The following RGS6 variants were observed in gnomAD, a reference collection of about 807,000 sequenced individuals.
RGS6 encodes the protein regulator of G protein signaling 6.
In RGS6, 30 loss-of-function variants were observed where a neutral mutation model predicts 78.5. The observed-to-expected ratio is 0.38, with a 90% confidence interval of 0.29 to 0.52. The LOEUF is 0.52. Among genes scored for constraint, RGS6 ranks in the 20% least tolerant of loss-of-function variants. The probability of loss-of-function intolerance (pLI) is 0.85; values close to 1 mark genes in which losing one functional copy is unlikely to be tolerated. For synonymous variants in RGS6, 206 were observed against 206.0 expected, an observed-to-expected ratio of 1.00 and a Z score of 0.00; for missense variants, 495 against 609.7, an observed-to-expected ratio of 0.81 and a Z score of 1.98.
chr14:72,152,243 AGAGTGT>A (rs1362757068), intron 2 of RGS6, among the ~76,000 whole-genome samples: 1,902 of 125,166 alleles, frequency 0.015, 37 homozygotes, highest in African/African-American at 0.049. Flanking sequence ...AGAGAGAGAG[AGAGTGT>A]GTGTGTGTGT....
Position 72,562,974 on chromosome 14 carries a change from G to A in RGS6, c.*507G>A, listed in dbSNP as rs963468932. 3.9e-5 allele frequency: 23 copies of A among 596,618 alleles called. No homozygotes were observed. Among genetic ancestry groups the A allele is most frequent in the African/African-American group, 1.7e-4 (9 of 53,972 alleles). The allele number at this position is 596,618 out of a possible 1,614,324, so 37.0% of individuals were successfully genotyped here. ...CCCACCGCCGCCTGTCATCCCTCAC[G>A]TCTCTGTGGCCACCCGGGTGTCACT... On this transcript the variant is annotated 3_prime_UTR_variant, in exon 18 of 18. Coordinates refer to ENST00000553525, the MANE Select transcript of RGS6 (RefSeq NM_001204424.2).
chr14:72,234,103 T>C (rs182781994), intron 2 of RGS6, among the ~76,000 whole-genome samples: 98 of 152,258 alleles, frequency 6.4e-4, no homozygotes, highest in African/African-American at 2.2e-3. Context: ...ATATATTTTA[T>C]TAAGCACCTG....
At chr14:72,628,636 AAG>A in the RGS6 span, among the ~76,000 whole-genome samples, 303 of 148,156 alleles carry the variant, frequency 2.0e-3, no homozygotes, top group Admixed American at 2.3e-3. Flanking sequence ...GTCTTGCCAA[AAG>A]AGAGAGAGAG....
At chr14:72,309,221 A>C (rs1364140464) in intron 2 of RGS6, among the ~76,000 whole-genome samples, 2 of 152,194 alleles carry the variant, frequency 1.3e-5, no homozygotes, top group Admixed American at 6.5e-5. Context: ...CAGCACCCTC[A>C]GAGGTCAGAG....
At chr14:72,204,870 CA>C (rs1163113681) in intron 2 of RGS6, among the ~76,000 whole-genome samples, 1 of 152,208 alleles carries the variant, frequency 6.6e-6, no homozygotes, top group African/African-American at 2.4e-5. Flanking sequence ...TACTTATATC[CA>C]GGGGGAGCAC....
At chr14:72,524,868 A>G (rs2097099071) in intron 15 of RGS6, among the ~76,000 whole-genome samples, 1 of 152,184 alleles carries the variant, frequency 6.6e-6, no homozygotes, top group Non-Finnish European at 1.5e-5. Flanking sequence ...GTGGAATAGG[A>G]CAAGCCAGTC....
At chr14:72,475,327 A>G (rs1016383947) in intron 10 of RGS6, among the ~76,000 whole-genome samples, 10 of 150,730 alleles carry the variant, frequency 6.6e-5, no homozygotes, top group African/African-American at 2.2e-4. Context: ...TGGTCACAGC[A>G]TACCCGAGGG....
chr14:72,366,928 T>C (rs1472160826), intron 3 of RGS6, among the ~76,000 whole-genome samples: 1 of 152,156 alleles, frequency 6.6e-6, no homozygotes, highest in African/African-American at 2.4e-5. Context: ...CATGAAGAAT[T>C]TTCCAGGGAC....
chr14:72,170,581 A>G (rs760281474), intron 2 of RGS6, among the ~76,000 whole-genome samples: 1 of 152,214 alleles, frequency 6.6e-6, no homozygotes, highest in Non-Finnish European at 1.5e-5. Flanking sequence ...TCTTAACTCC[A>G]TTATCTTATT....
intron 3 of RGS6, among the ~76,000 whole-genome samples, chr14:72,353,370 C>T (rs1488574954): frequency 6.6e-6 from 1 of 152,192 alleles, no homozygotes; most frequent in Non-Finnish European, 1.5e-5. Context: ...AAACTGTAGT[C>T]TCTCCACAAT....
chr14:72,255,609 G>A (rs1377520873), intron 2 of RGS6, among the ~76,000 whole-genome samples: 15 of 152,124 alleles, frequency 9.9e-5, no homozygotes, highest in Admixed American at 9.8e-4. Context: ...GGATACCTCA[G>A]GCAGGCTTAA....
At chr14:72,055,846 T>C (rs2093592953) in intron 2 of RGS6, among the ~76,000 whole-genome samples, 2 of 152,244 alleles carry the variant, frequency 1.3e-5, no homozygotes, top group African/African-American at 4.8e-5. Context: ...AATTTCTAGC[T>C]CAGCAGCCTT....
chr14:71,892,173 A>C, the RGS6 span, among the ~76,000 whole-genome samples: 1 of 152,284 alleles, frequency 6.6e-6, no homozygotes, highest in African/African-American at 2.4e-5. Context: ...CTTCACAACA[A>C]AACACTACAG....
chr14:72,451,589 CAG>C (rs1257816354), intron 3 of RGS6, among the ~76,000 whole-genome samples: 2 of 152,092 alleles, frequency 1.3e-5, no homozygotes, highest in South Asian at 2.1e-4. Context: ...CAGTAATTAA[CAG>C]GGGAAAGGAA....
intron 2 of RGS6, among the ~76,000 whole-genome samples, chr14:72,142,201 A>G (rs1446496213): frequency 2.0e-5 from 3 of 152,188 alleles, no homozygotes; most frequent in Non-Finnish European, 4.4e-5. Context: ...GGTTTTATAA[A>G]TACTGGTTGG....
At chr14:72,365,031 A>G (rs372264677) in intron 3 of RGS6, among the ~76,000 whole-genome samples, 3 of 152,252 alleles carry the variant, frequency 2.0e-5, no homozygotes, top group South Asian at 2.1e-4. Flanking sequence ...TTTTGCCAAC[A>G]TATCCAGATC....
In RGS6 at chr14:72,427,942, A is replaced by C. The variant is rs183919514; in HGVS notation, c.185-26586A>C. Reference sequence around the variant, plus strand: ...TCGTGAAGGGCATCAAAAAGCAAGAAAGATGCTCATTTTCCCTTCCAACCC... The same window carrying C: ...TCGTGAAGGGCATCAAAAAGCAAGACAGATGCTCATTTTCCCTTCCAACCC... On this transcript the variant is annotated intron_variant, in intron 3 of 17. Coordinates refer to ENST00000553525, the MANE Select transcript of RGS6 (RefSeq NM_001204424.2). Among the ~76,000 whole-genome samples the C allele has an allele frequency of 2.3e-3, 347 of 152,096 alleles. 3 individuals are homozygous for C. Among genetic ancestry groups the C allele is most frequent in the African/African-American group, 8.0e-3 (331 of 41,512 alleles).
intron 2 of RGS6, among the ~76,000 whole-genome samples, chr14:71,982,734 C>T (rs1345433809): frequency 1.3e-5 from 2 of 152,218 alleles, no homozygotes; most frequent in African/African-American, 4.8e-5. Context: ...TTGCTGGGCT[C>T]ATCTTCTTAG....
rs1484897990 is a variant in RGS6 at position 72,359,629 on chromosome 14, A to G, written c.184+7435A>G. On this transcript the variant is annotated intron_variant, in intron 3 of 17. Coordinates refer to ENST00000553525, the MANE Select transcript of RGS6 (RefSeq NM_001204424.2). ...ATAGAACACACAGTCCAATTCCTAA[A>G]ACACAGGGTACTCCAATCTATAGAT... Among the ~76,000 whole-genome samples the G allele has an allele frequency of 2.0e-5, 3 of 152,212 alleles. No individual in the cohort carries two copies. In the East Asian group the frequency reaches 5.8e-4, roughly 29 times the overall value.
Sources: gnomAD v4.1 joint callset for allele counts (sites outside exome capture counted in the v4.1 genomes callset) on GRCh38, gnomAD v4.1.1 for gene constraint, MANE v1.5 for transcripts, NCBI Gene and HGNC (gene_info 2026-07-23, HGNC 2026-07-21) for gene names.